The following AGK variants were observed in gnomAD, a reference collection of about 807,000 sequenced individuals.
AGK encodes the protein acylglycerol kinase.
In AGK, 52 loss-of-function variants were observed where a neutral mutation model predicts 66.4. That is an observed-to-expected ratio of 0.78 (90% confidence interval 0.63 to 0.99). The LOEUF is 0.99. Among genes scored for constraint, AGK ranks in the 50% least tolerant of loss-of-function variants. The pLI is 0.00. For synonymous variants in AGK, 182 were observed against 181.1 expected, an observed-to-expected ratio of 1.00 and a Z score of -0.04; for missense variants, 451 against 506.6, an observed-to-expected ratio of 0.89 and a Z score of 1.05.
chr7:141,629,721 G>C (rs1023091182), intron 9 of AGK, among the ~76,000 whole-genome samples: 11 of 152,116 alleles, frequency 7.2e-5, no homozygotes, highest in Non-Finnish European at 1.0e-4. Flanking sequence ...CTCCACATCA[G>C]TGGAACTTTG....
intron 2 of AGK, among the ~76,000 whole-genome samples, chr7:141,561,219 T>C (rs543844502): frequency 4.6e-5 from 7 of 152,354 alleles, no homozygotes; most frequent in Non-Finnish European, 1.0e-4. Flanking sequence ...CAAATTTTGC[T>C]GCTATAAACA....
rs1476206032 is a variant in AGK, at chr7:141,598,151, T to TA, written c.221+1511dup. On this transcript the variant is annotated intron_variant, in intron 4 of 15. Coordinates refer to ENST00000649286, the MANE Select transcript of AGK (RefSeq NM_018238.4). This position sits in a 1 kb window ranked among gnomAD's most constrained non-coding sequence, Gnocchi z 4.2. The stretch of plus-strand genomic sequence containing the variant: ...ACAGACAGGAGGACACATCCTGCTT[T>TA]ATTTCTTTGTAATTCAGTGGTTTAA... Among the ~76,000 whole-genome samples the TA allele has an allele frequency of 1.3e-5, 2 of 152,172 alleles. No individual in the cohort carries two copies. Among genetic ancestry groups the TA allele is most frequent in the African/African-American group, 2.4e-5 (1 of 41,440 alleles).
chr7:141,589,760 A>C (rs1474034890), intron 2 of AGK, among the ~76,000 whole-genome samples: 1 of 152,146 alleles, frequency 6.6e-6, no homozygotes, highest in Non-Finnish European at 1.5e-5. Context: ...GGGTTTCACC[A>C]TGTTGGTCAA....
At chr7:141,636,372 A>G (rs1797170197) in intron 10 of AGK, among the ~76,000 whole-genome samples, 1 of 152,218 alleles carries the variant, frequency 6.6e-6, no homozygotes, top group Non-Finnish European at 1.5e-5. Flanking sequence ...CATTGTATCC[A>G]TAGATGTAAA....
At chr7:141,650,739 T>A (rs940811036) in intron 14 of AGK, 1 of 931,212 alleles carries the variant, frequency 1.1e-6, no homozygotes, top group African/African-American at 1.8e-5. Flanking sequence ...TAGACCGCGT[T>A]ATAAATACAG....
chr7:141,643,696 T>A (rs1797340562), intron 13 of AGK, among the ~76,000 whole-genome samples: 1 of 152,164 alleles, frequency 6.6e-6, no homozygotes, highest in Non-Finnish European at 1.5e-5. Flanking sequence ...ATTTACTACA[T>A]GTGAGGCACC....
intron 5 of AGK, among the ~76,000 whole-genome samples, chr7:141,605,741 A>G (rs1157531917): frequency 6.6e-6 from 1 of 152,162 alleles, no homozygotes; most frequent in Non-Finnish European, 1.5e-5. Flanking sequence ...GAAGATACAA[A>G]CATCTAGAAA....
At chr7:141,558,089 C>G (rs947310176) in intron 2 of AGK, among the ~76,000 whole-genome samples, 4 of 152,178 alleles carry the variant, frequency 2.6e-5, no homozygotes, top group African/African-American at 9.6e-5. Context: ...GTCAGTGAGT[C>G]ATATAGTATT....
chr7:141,581,005 A>G (rs189879320), intron 2 of AGK, among the ~76,000 whole-genome samples: 5 of 152,094 alleles, frequency 3.3e-5, no homozygotes, highest in Non-Finnish European at 7.4e-5. Flanking sequence ...CAGGTATCCA[A>G]AGGCGAAAGT....
intron 2 of AGK, among the ~76,000 whole-genome samples, chr7:141,563,313 T>C (rs896969176): frequency 6.6e-6 from 1 of 152,220 alleles, no homozygotes; most frequent in African/African-American, 2.4e-5. Flanking sequence ...TGTAAGGATG[T>C]TGGGATTCTC....
chr7:141,596,401 T>A (rs919164095), intron 3 of AGK, among the ~76,000 whole-genome samples, 161 bp from the exon 4 acceptor site: 12 of 152,214 alleles, frequency 7.9e-5, no homozygotes, highest in African/African-American at 2.9e-4. Context: ...TTTGTTGTTG[T>A]TGATGGTGTT....
chr7:141,567,083 A>G (rs1400318423), intron 2 of AGK, among the ~76,000 whole-genome samples: 1 of 152,120 alleles, frequency 6.6e-6, no homozygotes, highest in Non-Finnish European at 1.5e-5. Context: ...TTCTTGGCCC[A>G]TATCCTTTTA....
chr7:141,581,081 C>T (rs547806832), intron 2 of AGK, among the ~76,000 whole-genome samples: 5 of 151,978 alleles, frequency 3.3e-5, no homozygotes, highest in East Asian at 1.9e-4. Flanking sequence ...AGAGATCAGT[C>T]GGACACGATC....
At chr7:141,592,679 A>C (rs977200611) in intron 2 of AGK, among the ~76,000 whole-genome samples, 1 of 152,128 alleles carries the variant, frequency 6.6e-6, no homozygotes. Flanking sequence ...TGTGATGATA[A>C]GTTGTTATCA....
At chr7:141,639,434 CAGAA>C (rs1279226368) in intron 11 of AGK, among the ~76,000 whole-genome samples, 1 of 152,138 alleles carries the variant, frequency 6.6e-6, no homozygotes, top group African/African-American at 2.4e-5. Context: ...AGAAGGGAGA[CAGAA>C]AGCATGACTG....
chr7:141,615,402 C>G (rs1217253003), intron 7 of AGK, 69 bp from the exon 8 acceptor site: 4 of 1,269,738 alleles, frequency 3.2e-6, no homozygotes, highest in Non-Finnish European at 2.3e-6. Flanking sequence ...GTGGACACAC[C>G]TGTGCTTCTC....
chr7:141,555,669 CAT>C lies in AGK; in HGVS notation c.101+103_101+104del, dbSNP rs756291622. ...CTCAGCTGTGCTTATCCCTATAAAACATGTGGTGTAAAAGAAAAATAAATGCT... is the reference window on the plus strand; with the variant it reads ...CTCAGCTGTGCTTATCCCTATAAAACGTGGTGTAAAAGAAAAATAAATGCT... On this transcript the variant is annotated intron_variant, in intron 2 of 15. Coordinates refer to ENST00000649286, the MANE Select transcript of AGK (RefSeq NM_018238.4). This position sits in a 1 kb window ranked among gnomAD's most constrained non-coding sequence, Gnocchi z 4.2. The C allele has an allele frequency of 1.3e-5, 10 of 786,478 alleles. No homozygotes were observed. The highest frequency in any genetic ancestry group is 2.6e-5 in the East Asian group (1 of 38,362). The allele number at this position is 786,478 out of a possible 1,614,324, so 48.7% of individuals were successfully genotyped here.
At chr7:141,576,940 T>A (rs1169880093) in intron 2 of AGK, among the ~76,000 whole-genome samples, 1 of 152,036 alleles carries the variant, frequency 6.6e-6, no homozygotes, top group Admixed American at 6.6e-5. Flanking sequence ...CTCGGGAGGC[T>A]GAGGCAGGAG....
intron 2 of AGK, among the ~76,000 whole-genome samples, chr7:141,579,047 G>A (rs1375879177): frequency 1.3e-5 from 2 of 152,058 alleles, no homozygotes; most frequent in East Asian, 1.9e-4. Context: ...CTAGACAGAA[G>A]ATAGTAGGGA....
Sources: allele counts gnomAD v4.1 joint callset (sites outside exome capture counted in the v4.1 genomes callset), GRCh38; gene constraint gnomAD v4.1.1; non-coding constraint Gnocchi (gnomAD v3.1); transcripts MANE v1.5; gene names NCBI Gene and HGNC (gene_info 2026-07-23, HGNC 2026-07-21).